The following SPAST variants were observed in gnomAD, a reference collection of about 807,000 sequenced individuals.
SPAST encodes spastin.
Under a neutral mutation model 76.6 loss-of-function variants are expected in SPAST, and 30 were observed. The ratio of observed to expected loss-of-function variants is 0.39; its 90% CI spans 0.29 to 0.53. The LOEUF (loss-of-function observed/expected upper bound fraction) is 0.53. Among genes scored for constraint, SPAST ranks in the 20% least tolerant of loss-of-function variants. The probability of loss-of-function intolerance (pLI) is 0.68; values close to 1 mark genes in which losing one functional copy is unlikely to be tolerated. For missense variants in SPAST, 717 were observed against 770.5 expected (o/e 0.93, Z 0.82); for synonymous variants, 305 against 281.0 (o/e 1.09, Z -0.86).
chr2:32,123,160 G>A (rs1679073737), intron 7 of SPAST, among the ~76,000 whole-genome samples: 1 of 152,010 alleles, frequency 6.6e-6, no homozygotes, highest in Admixed American at 6.6e-5. Flanking sequence ...TACTCAGGAG[G>A]CTGAGGCAGG....
intron 4 of SPAST, among the ~76,000 whole-genome samples, chr2:32,103,591 C>G (rs1678207577): frequency 6.6e-6 from 1 of 152,048 alleles, no homozygotes; most frequent in South Asian, 2.1e-4. Context: ...CCTGTTTTCT[C>G]TTGTGGGCAT....
intron 9 of SPAST, among the ~76,000 whole-genome samples, chr2:32,131,456 C>A (rs752151540): frequency 6.6e-6 from 1 of 152,134 alleles, no homozygotes; most frequent in Non-Finnish European, 1.5e-5. Flanking sequence ...TTCTTCACTT[C>A]AATTTTCAGT....
chr2:32,099,703 T>C (rs1474788014), intron 4 of SPAST, among the ~76,000 whole-genome samples: 4 of 152,098 alleles, frequency 2.6e-5, no homozygotes, highest in South Asian at 2.1e-4. Flanking sequence ...TTTGAAATGA[T>C]ATAATATATT....
chr2:32,113,873 A>G (rs1433231989), intron 4 of SPAST, among the ~76,000 whole-genome samples: 1 of 151,774 alleles, frequency 6.6e-6, no homozygotes, highest in Non-Finnish European at 1.5e-5. Context: ...GGCGCTTCAT[A>G]ACCTTTTTAT....
intron 7 of SPAST, among the ~76,000 whole-genome samples, chr2:32,125,674 ACT>A (rs773140470): frequency 6.6e-6 from 1 of 151,634 alleles, no homozygotes; most frequent in Non-Finnish European, 1.5e-5. Flanking sequence ...GAATCTGGAG[ACT>A]CTGACTTATT....
In SPAST at chr2:32,114,664, G is replaced by C. The variant is rs1367293343; in HGVS notation, c.709G>C (p.Asp237His). The stretch of plus-strand genomic sequence containing the variant: ...AAGTGGAGCTGTTCCAAAAAGAAAA[G>C]ACCCCTTAACACACACTAGTAATTC... The part of the protein sequence containing the change: ...SESGAVPKRK[D>H]PLTHTSNSLP... Residue 237 changes from aspartate to histidine, a missense_variant, in exon 5 of 17, where the codon GAC becomes CAC. Asp to His is a moderately conservative substitution (Grantham distance 81). This residue lies in a region of SPAST where 543 missense variants were observed against 445.2 expected (regional missense o/e 1.22). Transcript: ENST00000315285. The C allele has an allele frequency of 6.2e-7, 1 of 1,614,054 alleles. No individual in the cohort carries two copies. Among genetic ancestry groups the C allele is most frequent in the East Asian group, 2.2e-5 (1 of 44,876 alleles).
At chr2:32,091,453 T>C (rs1052896818) in intron 3 of SPAST, among the ~76,000 whole-genome samples, 1 of 151,114 alleles carries the variant, frequency 6.6e-6, no homozygotes, top group Non-Finnish European at 1.5e-5. Flanking sequence ...ATTTTTGTAT[T>C]TTTAGTAGGG....
chr2:32,063,787 T>C lies in SPAST; in HGVS notation c.-45T>C. The C allele has an allele frequency of 6.5e-7, 1 of 1,544,784 alleles. No individual in the cohort carries two copies. The highest frequency in any genetic ancestry group is 2.4e-5 in the East Asian group (1 of 41,406). On this transcript the variant is annotated 5_prime_UTR_variant, in exon 1 of 17. Transcript: ENST00000315285. ...GCCGCCGTCGCTTGGTTCCCGTCGG[T>C]CTGCGGGAGGCGGGTTATGGCGGCG...
intron 4 of SPAST, among the ~76,000 whole-genome samples, chr2:32,112,346 CTTTTTT>C (rs11434154): frequency 7.5e-6 from 1 of 132,942 alleles, no homozygotes; most frequent in East Asian, 2.2e-4. Flanking sequence ...CTGAATGTGG[CTTTTTT>C]TTTTTTTTTT....
In SPAST at chr2:32,087,861, A is replaced by AATT. The variant is rs34216464; in HGVS notation, c.502+312_502+314dup. ...CAGGCGCACACTACCATACTTAGCTAATTATTATTATTATTATTATTATTA... is the reference window on the plus strand; with the variant it reads ...CAGGCGCACACTACCATACTTAGCTAATTATTATTATTATTATTATTATTATTA... On this transcript the variant is annotated intron_variant, in intron 2 of 16. Transcript: ENST00000315285. Among the ~76,000 whole-genome samples the AATT allele has an allele frequency of 0.01, 1,460 of 141,336 alleles. 30 individuals are homozygous for AATT. The East Asian group carries it at 0.11, about 10-fold the overall frequency. The allele number at this position is 141,336 out of a possible 152,430, so 92.7% of individuals were successfully genotyped here. A position where few individuals can be genotyped will look rare whatever the true frequency, so the allele number is the denominator to read the frequency against.
At chr2:32,070,611 A>G (rs1205724338) in intron 1 of SPAST, among the ~76,000 whole-genome samples, 4 of 152,224 alleles carry the variant, frequency 2.6e-5, no homozygotes, top group Admixed American at 6.5e-5. Context: ...TGATTAACAA[A>G]TATGTGTACA....
intron 3 of SPAST, among the ~76,000 whole-genome samples, chr2:32,091,827 C>CT (rs1573076692): frequency 6.6e-6 from 1 of 151,248 alleles, no homozygotes; most frequent in African/African-American, 2.4e-5. Flanking sequence ...GAGCGAGACT[C>CT]TGTCTCAAAA....
chr2:32,145,093 ATT>A, intron 15 of SPAST, 86 bp downstream of exon 15: 1 of 954,528 alleles, frequency 1.0e-6, no homozygotes, highest in Non-Finnish European at 1.6e-6. Context: ...CTACCAAGAG[ATT>A]TTTTTTTTCT....
chr2:32,114,806 C>G lies in SPAST; in HGVS notation c.851C>G (p.Pro284Arg). 2 of 1,613,988 alleles carry G rather than the reference C, an allele frequency of 1.2e-6. No individual in the cohort carries two copies. Among genetic ancestry groups the G allele is most frequent in the Non-Finnish European group, 1.7e-6 (2 of 1,179,862 alleles). The change falls in exon 5 of 17, where the codon CCT (proline) becomes CGT (arginine). Residue 284 changes from proline to arginine, a missense_variant. This residue lies in a region of SPAST where 543 missense variants were observed against 445.2 expected (regional missense o/e 1.22). Coordinates refer to ENST00000315285, the MANE Select transcript of SPAST (RefSeq NM_014946.4). Reference protein sequence around the residue: ...MVSGVKQGSGPAPTTHKGTPK... With the variant: ...MVSGVKQGSGRAPTTHKGTPK... ...TCTGGAGTGAAACAGGGATCTGGTC[C>G]TGCTCCTACCACTCATAAGGTATTC...
At chr2:32,074,236 G>C (rs756118084) in intron 1 of SPAST, among the ~76,000 whole-genome samples, 1 of 152,158 alleles carries the variant, frequency 6.6e-6, no homozygotes, top group Non-Finnish European at 1.5e-5. Flanking sequence ...CTAGAGTGAG[G>C]TCTAAAGCTG....
At chr2:32,086,347 A>C (rs138060469) in intron 1 of SPAST, among the ~76,000 whole-genome samples, 1 of 152,092 alleles carries the variant, frequency 6.6e-6, no homozygotes, top group African/African-American at 2.4e-5. Context: ...CTGTAGTCTT[A>C]GCTACTCGGG....
chr2:32,140,132 T>G (rs1285258345), intron 12 of SPAST, among the ~76,000 whole-genome samples: 1 of 152,190 alleles, frequency 6.6e-6, no homozygotes, highest in East Asian at 1.9e-4. Flanking sequence ...TTCTTCATCC[T>G]TTTAAACTCT....
intron 4 of SPAST, among the ~76,000 whole-genome samples, chr2:32,105,072 G>T (rs573807822): frequency 8.5e-5 from 13 of 152,052 alleles, no homozygotes; most frequent in African/African-American, 2.9e-4. Context: ...CATTCTCCCC[G>T]TCACTTTCAG....
At position 32,154,491 on chromosome 2, in the gene SPAST, GT is replaced by G; in HGVS notation, c.1849del (p.Ter617LysfsTer6). 1 of 1,613,752 alleles carries G rather than the reference GT, an allele frequency of 6.2e-7. No individual in the cohort carries two copies. Among genetic ancestry groups the G allele is most frequent in the Non-Finnish European group, 8.5e-7 (1 of 1,179,720 alleles). On this transcript the variant is annotated frameshift_variant, in exon 17 of 17. Transcript: ENST00000315285. LOFTEE classifies it high-confidence loss of function. ...RWNKDFGDTT[V>X] ...GAACAAGGACTTTGGAGATACCACT[GT>G]TTAAGGAAATACCTTTGTAAACCTG...
Sources: allele counts gnomAD v4.1 joint callset (sites outside exome capture counted in the v4.1 genomes callset), GRCh38; gene constraint gnomAD v4.1.1; regional missense constraint gnomAD v4.1.1; transcripts MANE v1.5; gene names NCBI Gene and HGNC (gene_info 2026-07-23, HGNC 2026-07-21).